PRIM2: variants seen among roughly 807,000 people sequenced by gnomAD.
PRIM2 encodes DNA primase subunit 2, also known as DNA primase large subunit.
In PRIM2, 39 loss-of-function variants were observed where a neutral mutation model predicts 67.3. The observed-to-expected ratio is 0.58, with a 90% CI of 0.45 to 0.76. The LOEUF (loss-of-function observed/expected upper bound fraction) is 0.76, where lower values mean the gene tolerates loss of function less well. Ranked by LOEUF, PRIM2 falls within the 30% of genes least tolerant of loss-of-function variation. PRIM2 has a pLI of 0.00. For synonymous variants in PRIM2, 143 were observed against 198.7 expected (o/e 0.72, Z 2.36); for missense variants, 398 against 598.7 (o/e 0.66, Z 3.50).
chr6:57,224,837 G>T, the PRIM2 span, among the ~76,000 whole-genome samples: 2 of 152,198 alleles, frequency 1.3e-5, no homozygotes, highest in African/African-American at 4.8e-5. Flanking sequence ...ATTATTTGGA[G>T]TTGAAGGCAA....
intron 5 of PRIM2, among the ~76,000 whole-genome samples, chr6:57,351,644 TA>T (rs5876537): frequency 1.3e-3 from 195 of 151,272 alleles, no homozygotes; most frequent in African/African-American, 4.4e-3. Flanking sequence ...ATAGTGAACA[TA>T]AAAAAAAAGG....
chr6:57,512,290 G>A (rs1267789094), intron 8 of PRIM2, among the ~76,000 whole-genome samples: 1 of 152,178 alleles, frequency 6.6e-6, no homozygotes, highest in African/African-American at 2.4e-5. Context: ...CTTCATGGTT[G>A]AAGAAAGTGT....
intron 13 of PRIM2, among the ~76,000 whole-genome samples, chr6:57,637,585 C>T (rs1291483808): frequency 6.6e-5 from 10 of 152,028 alleles, no homozygotes; most frequent in Non-Finnish European, 1.3e-4. Flanking sequence ...CTGAATAACA[C>T]AGCAAGAGAA....
chr6:57,438,675 G>T (rs1772090861), intron 7 of PRIM2, among the ~76,000 whole-genome samples: 1 of 152,160 alleles, frequency 6.6e-6, no homozygotes, highest in Non-Finnish European at 1.5e-5. Context: ...ATTTATGTGG[G>T]CAGAAAACCA....
chr6:57,420,853 A>T (rs1175978596), intron 7 of PRIM2, among the ~76,000 whole-genome samples: 1 of 152,236 alleles, frequency 6.6e-6, no homozygotes. Context: ...ATGCCATAGA[A>T]ATATTCACTT....
chr6:57,469,100 G>A (rs1318304004), intron 7 of PRIM2, among the ~76,000 whole-genome samples: 19 of 152,304 alleles, frequency 1.2e-4, no homozygotes, highest in Admixed American at 9.1e-4. Flanking sequence ...TATCATCACC[G>A]TTGTGATTAT....
chr6:57,639,222 G>A (rs1380119291), intron 13 of PRIM2, among the ~76,000 whole-genome samples: 11 of 152,026 alleles, frequency 7.2e-5, no homozygotes, highest in African/African-American at 1.9e-4. Context: ...AAGACACAAC[G>A]TACCAGAATC....
chr6:57,580,100 A>G (rs1314793564), intron 10 of PRIM2, among the ~76,000 whole-genome samples: 7 of 152,162 alleles, frequency 4.6e-5, no homozygotes, highest in Non-Finnish European at 1.0e-4. Flanking sequence ...TCAAAACCCT[A>G]GACTTTGCTG....
intron 7 of PRIM2, among the ~76,000 whole-genome samples, chr6:57,478,204 C>G (rs1409235881): frequency 1.3e-5 from 2 of 152,106 alleles, no homozygotes; most frequent in Non-Finnish European, 2.9e-5. Flanking sequence ...AAAAATTACT[C>G]TATATTCCTT....
intron 12 of PRIM2, among the ~76,000 whole-genome samples, chr6:57,619,124 A>G (rs1490104665): frequency 6.6e-6 from 1 of 152,200 alleles, no homozygotes; most frequent in Admixed American, 6.5e-5. Context: ...CAGTACTACC[A>G]TGGTGCCAGG....
At chr6:57,362,257 C>T (rs6904148) in intron 5 of PRIM2, among the ~76,000 whole-genome samples, 10 of 151,940 alleles carry the variant, frequency 6.6e-5, no homozygotes, top group East Asian at 5.8e-4. Flanking sequence ...TTGAAATATA[C>T]GATAGAAATA....
At chr6:57,622,751 GCTT>G (rs1442221848) in intron 12 of PRIM2, among the ~76,000 whole-genome samples, 3 of 152,196 alleles carry the variant, frequency 2.0e-5, no homozygotes, top group Admixed American at 1.3e-4. Flanking sequence ...TGCTCTTATT[GCTT>G]CTTGAGAGGT....
intron 5 of PRIM2, among the ~76,000 whole-genome samples, chr6:57,352,218 G>A (rs1230668940): frequency 6.6e-6 from 1 of 152,106 alleles, no homozygotes; most frequent in Non-Finnish European, 1.5e-5. Flanking sequence ...TCACGTTTGA[G>A]TATTTTTATT....
intron 5 of PRIM2, among the ~76,000 whole-genome samples, chr6:57,364,712 G>C (rs9475879): frequency 6.6e-5 from 10 of 151,796 alleles, no homozygotes; most frequent in Non-Finnish European, 1.0e-4. Context: ...TAATCCTTGT[G>C]TTTTGCTACC....
At chr6:57,439,556 C>T (rs1349208819) in intron 7 of PRIM2, among the ~76,000 whole-genome samples, 1 of 151,524 alleles carries the variant, frequency 6.6e-6, no homozygotes, top group African/African-American at 2.4e-5. Context: ...GCTGAGATTA[C>T]AGGCACCCGC....
chr6:57,251,238 A>G, the PRIM2 span, among the ~76,000 whole-genome samples: 3 of 152,238 alleles, frequency 2.0e-5, no homozygotes, highest in Non-Finnish European at 4.4e-5. Flanking sequence ...TAAAAAAATC[A>G]TACTTTTATC....
intron 7 of PRIM2, chr6:57,497,645 G>C (rs1293383007): frequency 6.6e-6 from 1 of 152,198 alleles, no homozygotes; most frequent in Non-Finnish European, 1.5e-5. Context: ...CATTTTGCTT[G>C]ACAAGGTCGT....
chr6:57,411,533 C>T lies in PRIM2; in HGVS notation c.693+29365C>T, dbSNP rs535884187. 1.6e-3 allele frequency among the ~76,000 whole-genome samples: 237 copies of T among 151,372 alleles called. 1 individual carries two copies. The highest frequency in any genetic ancestry group is 5.5e-3 in the African/African-American group (226 of 41,232). On this transcript the variant is annotated intron_variant, in intron 7 of 13. Coordinates refer to ENST00000615550, the MANE Select transcript of PRIM2 (RefSeq NM_000947.5). ...GAGGTTGCAGTGAGCTGTGATTGCA[C>T]CACTGCACTGCAGCCTGGGCCACAG... is the stretch of plus-strand genomic sequence containing the variant.
chr6:57,278,657 C>A, the PRIM2 span, among the ~76,000 whole-genome samples: 7 of 152,000 alleles, frequency 4.6e-5, no homozygotes, highest in Non-Finnish European at 7.4e-5. Context: ...AATCAGGACA[C>A]AATGTGTTTT....
Sources: gnomAD v4.1 joint callset for allele counts (sites outside exome capture counted in the v4.1 genomes callset) on GRCh38, gnomAD v4.1.1 for gene constraint, MANE v1.5 for transcripts, NCBI Gene and HGNC (gene_info 2026-07-23, HGNC 2026-07-21) for gene names.